The following SH3RF3 variants were observed in gnomAD, a reference collection of about 807,000 sequenced individuals.
SH3RF3 encodes the protein E3 ubiquitin-protein ligase SH3RF3.
In SH3RF3, 29 loss-of-function variants were observed where a neutral mutation model predicts 66.3. The observed-to-expected ratio is 0.44, with a 90% CI of 0.33 to 0.60. SH3RF3 has a LOEUF of 0.60. SH3RF3 is among the 20% of genes least tolerant of loss of function. The pLI is 0.04. For synonymous variants in SH3RF3, 583 were observed against 532.0 expected, an observed-to-expected ratio of 1.10 and a Z score of -1.32; for missense variants, 1,194 against 1,190.9, an observed-to-expected ratio of 1.00 and a Z score of -0.04.
At chr2:109,488,048 G>C (rs184781977) in intron 8 of SH3RF3, among the ~76,000 whole-genome samples, 183 of 152,316 alleles carry the variant, frequency 1.2e-3, no homozygotes, top group Non-Finnish European at 2.1e-3. Context: ...GACAACGCAA[G>C]GCCACCCAGG....
At chr2:109,187,638 A>G (rs1331415227) in intron 1 of SH3RF3, among the ~76,000 whole-genome samples, 3 of 152,224 alleles carry the variant, frequency 2.0e-5, no homozygotes, top group African/African-American at 7.2e-5. Context: ...GTCTTAGGCT[A>G]TGCCATCTGG....
intron 8 of SH3RF3, among the ~76,000 whole-genome samples, chr2:109,472,619 C>T (rs1047066933): frequency 2.6e-5 from 4 of 152,194 alleles, no homozygotes; most frequent in Non-Finnish European, 5.9e-5. Context: ...CATTTAAAAA[C>T]AAAATTCAGG....
At chr2:109,162,033 G>T (rs1421776977) in intron 1 of SH3RF3, among the ~76,000 whole-genome samples, 3 of 152,176 alleles carry the variant, frequency 2.0e-5, no homozygotes, top group African/African-American at 7.2e-5. Flanking sequence ...CCCTCCTTGG[G>T]ATGTGTCCTC....
At chr2:109,172,433 A>G (rs930251424) in intron 1 of SH3RF3, among the ~76,000 whole-genome samples, 1 of 152,248 alleles carries the variant, frequency 6.6e-6, no homozygotes, top group Non-Finnish European at 1.5e-5. Context: ...ACCTAAAAAC[A>G]TTAAAATACG....
intron 1 of SH3RF3, among the ~76,000 whole-genome samples, chr2:109,214,356 G>A (rs1209879564): frequency 6.6e-6 from 1 of 152,080 alleles, no homozygotes; most frequent in Non-Finnish European, 1.5e-5. Flanking sequence ...GGCTGTGGGG[G>A]CAGCAGGAGG....
At chr2:109,495,477 C>CTTTTTTTTTTTTT (rs569509984) in intron 9 of SH3RF3, among the ~76,000 whole-genome samples, 15 of 94,240 alleles carry the variant, frequency 1.6e-4, no homozygotes, top group African/African-American at 6.9e-4. Flanking sequence ...TCTTTCATTC[C>CTTTTTTTTTTTTT]TTTTTTTTTT....
At chr2:109,350,717 G>A (rs372604784) in intron 2 of SH3RF3, among the ~76,000 whole-genome samples, 16 of 152,344 alleles carry the variant, frequency 1.1e-4, no homozygotes, top group African/African-American at 2.4e-4. Flanking sequence ...CAGCTGAGAC[G>A]CACACACTGG....
intron 5 of SH3RF3, among the ~76,000 whole-genome samples, chr2:109,427,504 T>TA (rs1186666673): frequency 6.6e-6 from 1 of 152,158 alleles, no homozygotes; most frequent in Non-Finnish European, 1.5e-5. Flanking sequence ...TGCTGGGCCT[T>TA]ACACCAGGAG....
intron 1 of SH3RF3, among the ~76,000 whole-genome samples, chr2:109,277,727 T>C (rs544915581): frequency 6.6e-6 from 1 of 152,328 alleles, no homozygotes; most frequent in East Asian, 1.9e-4. Context: ...AACAAGATCA[T>C]TACCACAAGC....
At chr2:109,488,139 G>T (rs1282904931) in intron 8 of SH3RF3, among the ~76,000 whole-genome samples, 3 of 152,200 alleles carry the variant, frequency 2.0e-5, no homozygotes, top group African/African-American at 7.2e-5. Context: ...CCTGGGGCAG[G>T]CCTGGCTTCT....
intron 1 of SH3RF3, among the ~76,000 whole-genome samples, chr2:109,227,288 G>A (rs1185966711): frequency 6.6e-6 from 1 of 152,140 alleles, no homozygotes; most frequent in Non-Finnish European, 1.5e-5. Flanking sequence ...AAGAAGCTCT[G>A]TGAATGTCAG....
chr2:109,295,945 C>A (rs920973965), intron 1 of SH3RF3, among the ~76,000 whole-genome samples: 1 of 152,170 alleles, frequency 6.6e-6, no homozygotes, highest in Non-Finnish European at 1.5e-5. Flanking sequence ...ACACTGCTCC[C>A]TCTGTGACTG....
chr2:109,474,184 T>C (rs1305607272), intron 8 of SH3RF3, among the ~76,000 whole-genome samples: 1 of 152,070 alleles, frequency 6.6e-6, no homozygotes, highest in African/African-American at 2.4e-5. Flanking sequence ...CACACACCTG[T>C]GTGTGGGCAG....
chr2:109,470,064 C>A (rs1032356760), intron 8 of SH3RF3, among the ~76,000 whole-genome samples: 4 of 152,200 alleles, frequency 2.6e-5, no homozygotes, highest in African/African-American at 9.7e-5. Flanking sequence ...TGAGCCCGTT[C>A]TGGTGGTGGG....
intron 3 of SH3RF3, among the ~76,000 whole-genome samples, chr2:109,376,773 C>A (rs1456742298): frequency 6.6e-6 from 1 of 152,230 alleles, no homozygotes; most frequent in African/African-American, 2.4e-5. Context: ...TGCCCTCACC[C>A]CACACGTGCA....
At chr2:109,423,998 TGGGCCGCTGCA>T (rs1308771536) in intron 5 of SH3RF3, among the ~76,000 whole-genome samples, 2 of 152,196 alleles carry the variant, frequency 1.3e-5, no homozygotes, top group African/African-American at 4.8e-5. Context: ...CGGAGACGTC[TGGGCCGCTGCA>T]GGGCCGGTTG....
chr2:109,350,170 C>T (rs948859675), intron 2 of SH3RF3, among the ~76,000 whole-genome samples: 3 of 152,150 alleles, frequency 2.0e-5, no homozygotes, highest in African/African-American at 4.8e-5. Context: ...ACTCATTCTG[C>T]GGTTGGCATG....
rs75443298 is a variant in SH3RF3 at position 109,499,795 on chromosome 2, A to G, written c.2481-1708A>G. On this transcript the variant is annotated intron_variant, in intron 9 of 9. Coordinates refer to ENST00000309415, the MANE Select transcript of SH3RF3 (RefSeq NM_001099289.3). Reference sequence around the variant, plus strand: ...TATGTGTGTGTGTGTCCTGTCAAACATAATCATAGCCGGACACTAGTGAAA... The same window carrying G: ...TATGTGTGTGTGTGTCCTGTCAAACGTAATCATAGCCGGACACTAGTGAAA... Among the ~76,000 whole-genome samples the G allele has an allele frequency of 9.5e-3, 1,449 of 152,296 alleles. 11 individuals carry two copies. The highest frequency in any genetic ancestry group is 0.013 in the Non-Finnish European group (872 of 68,022).
intron 3 of SH3RF3, among the ~76,000 whole-genome samples, chr2:109,380,811 T>TGG (rs1683493656): frequency 6.6e-6 from 1 of 152,136 alleles, no homozygotes; most frequent in Non-Finnish European, 1.5e-5. Context: ...TAGGCAGACA[T>TGG]CAAACTTTTT....
Sources: allele counts gnomAD v4.1 joint callset (sites outside exome capture counted in the v4.1 genomes callset), GRCh38; gene constraint gnomAD v4.1.1; transcripts MANE v1.5; gene names NCBI Gene and HGNC (gene_info 2026-07-23, HGNC 2026-07-21).